SALL1: variants seen among roughly 807,000 people sequenced by gnomAD.
SALL1 encodes the protein sal-like protein 1.
A neutral mutation model predicts 73.1 loss-of-function variants in SALL1; 10 were observed. That is an observed-to-expected ratio of 0.14 (90% confidence interval 0.08 to 0.23). The LOEUF (loss-of-function observed/expected upper bound fraction) is 0.23, where lower values mean the gene tolerates loss of function less well. Among genes scored for constraint, SALL1 ranks in the 10% least tolerant of loss-of-function variants. The pLI, the probability that SALL1 is intolerant of heterozygous loss-of-function variation, is 1.00. For missense variants in SALL1, 1,520 were observed against 1,697.3 expected, an observed-to-expected ratio of 0.90 and a Z score of 1.84; for synonymous variants, 688 against 689.8, an observed-to-expected ratio of 1.00 and a Z score of 0.04.
chr16:51,142,916 A>G (rs1332181416), intron 1 of SALL1, among the ~76,000 whole-genome samples: 1 of 152,226 alleles, frequency 6.6e-6, no homozygotes, highest in Non-Finnish European at 1.5e-5. Context: ...TCCGGCTACC[A>G]TTCCACTAAT....
chr16:51,147,465 G>A (rs1036738918), intron 1 of SALL1, among the ~76,000 whole-genome samples: 11 of 152,000 alleles, frequency 7.2e-5, no homozygotes, highest in African/African-American at 2.2e-4. Context: ...TTTAAAAAAA[G>A]CAATTAATTA....
chr16:51,147,133 A>C (rs1187481799), intron 1 of SALL1, among the ~76,000 whole-genome samples: 1 of 152,214 alleles, frequency 6.6e-6, no homozygotes, highest in African/African-American at 2.4e-5. Flanking sequence ...AGTATAAAGA[A>C]AACAAATAGA....
Position 51,139,855 on chromosome 16 carries a change from C to T in SALL1, c.2367G>A (p.Met789Ile), listed in dbSNP as rs999364545. ...VVLQQHIRMH[M>I]GGQIPNTPVP... ...CTGGGGTGTTGGGGATCTGGCCTCC[C>T]ATATGCATTCGGATGTGCTGCTGCA... Residue 789 changes from methionine (M) to isoleucine (I), a missense_variant, in exon 2 of 3, where the codon ATG (methionine) becomes ATA (isoleucine). This residue lies in a region of SALL1 where 266 missense variants were observed against 275.1 expected (regional missense o/e 0.97). Transcript: ENST00000251020. The T allele has an allele frequency of 2.2e-5, 36 of 1,614,064 alleles. No homozygotes were observed. Among genetic ancestry groups the T allele is most frequent in the Non-Finnish European group, 3.1e-5 (36 of 1,180,040 alleles).
Position 51,140,559 on chromosome 16 carries a change from C to A in SALL1, c.1663G>T (p.Val555Phe). 1 of 1,613,952 alleles carries A rather than the reference C, an allele frequency of 6.2e-7. No individual in the cohort carries two copies. The highest frequency in any genetic ancestry group is 1.7e-4 in the Middle Eastern group (1 of 6,060). Residue 555 changes from valine to phenylalanine, a missense_variant, in exon 2 of 3, where the codon GTC becomes TTC. Physicochemically the swap from Val to Phe is conservative, Grantham distance 50. Around this residue, in one of 7 missense-constraint regions of SALL1, gnomAD observed 276 missense variants for 259.1 expected, o/e 1.07. Transcript: ENST00000251020. This position sits in a 1 kb window ranked among gnomAD's most constrained non-coding sequence, Gnocchi z 5.7. ...AGGGTTGGGGGCAACGGCAGGCCGA[C>A]TGAAGTGGTCAGAGTAGGCAGGACT... is the stretch of plus-strand genomic sequence containing the variant. ...KPVLPTLTTS[V>F]GLPLPPTLPS... is the part of the protein sequence containing the mutation.
At chr16:51,137,578 G>A in intron 2 of SALL1, 26 bp from the exon 3 acceptor site, 2 of 1,557,176 alleles carry the variant, frequency 1.3e-6, no homozygotes, top group South Asian at 1.1e-5. Flanking sequence ...GGCAGGCAGA[G>A]AGACAGAGAG....
upstream of SALL1, among the ~76,000 whole-genome samples, chr16:51,151,875 C>T (rs1361195331): frequency 6.6e-6 from 1 of 151,578 alleles, no homozygotes; most frequent in Admixed American, 6.6e-5. Context: ...CTGCGAACTT[C>T]CCAACTCGGG....
chr16:51,150,369 G>T (rs1410134812), intron 1 of SALL1: 2 of 979,052 alleles, frequency 2.0e-6, no homozygotes, highest in African/African-American at 3.5e-5. Flanking sequence ...TCCGCAGAGG[G>T]CGCATACCGA....
At chr16:51,143,157 G>C (rs1962469067) in intron 1 of SALL1, 1 of 164,156 alleles carries the variant, frequency 6.1e-6, no homozygotes, top group African/African-American at 2.4e-5. Context: ...TTTAAAAACA[G>C]TTTGCTCTTA....
chr16:51,147,780 A>AACACAC (rs145285801), intron 1 of SALL1, among the ~76,000 whole-genome samples: 10,514 of 146,246 alleles, frequency 0.072, 446 homozygotes, highest in East Asian at 0.12. Flanking sequence ...GAAGAACTCC[A>AACACAC]ACACACACAC....
In SALL1 at chr16:51,151,258, G is replaced by C; in HGVS notation, c.-17C>G. Reference sequence around the variant, plus strand: ...CCGCGACATGCTGGCTCAAACATCAGCTGGGGCAGAATAAAAAATTACTAA... The same window carrying C: ...CCGCGACATGCTGGCTCAAACATCACCTGGGGCAGAATAAAAAATTACTAA... On this transcript the variant is annotated 5_prime_UTR_variant, in exon 1 of 3. Transcript: ENST00000251020. The C allele has an allele frequency of 6.4e-7, 1 of 1,561,328 alleles. No individual in the cohort carries two copies. Among genetic ancestry groups the C allele is most frequent in the South Asian group, 1.2e-5 (1 of 83,792 alleles).
Position 51,150,899 on chromosome 16 carries a change from G to A in SALL1, c.76+267C>T, listed in dbSNP as rs1311911326. ...ACGGAGAAGCCAGGCCGGCATGCCC[G>A]CCCTCCTTCCCCCGGGAGGACCCAA... On this transcript the variant is annotated intron_variant, in intron 1 of 2. Transcript: ENST00000251020. 1.1e-5 allele frequency: 4 copies of A among 370,726 alleles called. No homozygotes were observed. The East Asian group carries it at 1.2e-4, about 11-fold the overall frequency. 23.0% of individuals were successfully genotyped at this position (370,726 alleles called of 1,614,324 possible). A position where few individuals can be genotyped will look rare whatever the true frequency, so the allele number is the denominator to read the frequency against.
Position 51,138,729 on chromosome 16 carries a change from T to C in SALL1, c.3493A>G (p.Thr1165Ala), listed in dbSNP as rs1962354636. Residue 1165 changes from threonine to alanine, a missense_variant, in exon 2 of 3, where the codon ACT (threonine) becomes GCT (alanine). Physicochemically the swap from Thr to Ala is moderately conservative, Grantham distance 58. Around this residue, in one of 7 missense-constraint regions of SALL1, gnomAD observed 318 missense variants for 357.1 expected, o/e 0.89. Transcript: ENST00000251020. ...GTCGTGAAAGCTCTTCCACAAATAG[T>C]GCAAGCAAAGGGTTTCTCTCCAGTG... The part of the protein sequence containing the change: ...THTGEKPFAC[T>A]ICGRAFTTKG... The C allele has an allele frequency of 6.2e-7, 1 of 1,614,146 alleles. No homozygotes were observed. The highest frequency in any genetic ancestry group is 8.5e-7 in the Non-Finnish European group (1 of 1,180,014).
At position 51,141,685 on chromosome 16, in the gene SALL1, G is replaced by A. The variant is rs200539812; in HGVS notation, c.537C>T (p.Leu179=). 1,002 of 1,613,580 alleles carry A rather than the reference G, an allele frequency of 6.2e-4. 13 individuals are homozygous for A. The South Asian group carries it at 0.01, about 16-fold the overall frequency. The change falls in exon 2 of 3, where the codon CTC becomes CTT. Residue 179 remains leucine (L), a synonymous_variant. Coordinates refer to ENST00000251020, the MANE Select transcript of SALL1 (RefSeq NM_002968.3). The surrounding 1 kb of genome is among the most constrained non-coding windows in gnomAD (Gnocchi z 5.4). ...TSAITTSLPQ[L]GDLTTLGNFS... is the part of the protein sequence containing the mutation. ...AGTTGCCCAGTGTTGTCAGGTCCCC[G>A]AGTTGAGGTAGAGAGGTTGTGATCG...
intron 1 of SALL1, among the ~76,000 whole-genome samples, chr16:51,148,907 A>T (rs1962555926): frequency 1.3e-5 from 2 of 151,808 alleles, no homozygotes; most frequent in Non-Finnish European, 2.9e-5. Context: ...GGGTGGGGAG[A>T]GGTGAGGAAA....
At chr16:51,145,979 CTTTT>C (rs372735955) in intron 1 of SALL1, among the ~76,000 whole-genome samples, 2 of 128,892 alleles carry the variant, frequency 1.6e-5, no homozygotes. Context: ...ATTGATTGGT[CTTTT>C]TTTTTTTTTT....
Position 51,137,150 on chromosome 16 carries a change from G to A in SALL1, c.3937C>T (p.Arg1313Cys), listed in dbSNP as rs199883962. 39 of 1,614,008 alleles carry A rather than the reference G, an allele frequency of 2.4e-5. No individual in the cohort carries two copies. The highest frequency in any genetic ancestry group is 4.0e-5 in the African/African-American group (3 of 74,912). The part of the protein sequence containing the change: ...SENGTNFRFT[R>C]FVEDSKEIVT... ...ATCTCCTTGCTGTCCTCCACGAAGC[G>A]GGTGAAGCGGAAGTTGGTTCCGTTC... is the stretch of plus-strand genomic sequence containing the variant. Residue 1313 changes from arginine (R) to cysteine (C), a missense_variant, in exon 3 of 3, where the codon CGC becomes TGC. Arg to Cys is a radical substitution (Grantham distance 180). This residue lies in a region of SALL1 where 318 missense variants were observed against 357.1 expected (regional missense o/e 0.89). Coordinates refer to ENST00000251020, the MANE Select transcript of SALL1 (RefSeq NM_002968.3).
rs1962388444 is a variant in SALL1 at position 51,140,017 on chromosome 16, C to T, written c.2205G>A (p.Lys735=). The part of the protein sequence containing the change: ...YRTHTGERPF[K]CKICGRAFTT... ...TGAAAGCCCGGCCACAGATCTTACA[C>T]TTAAAGGGCCTCTCCCCAGTGTGTG... The change falls in exon 2 of 3, where the codon AAG becomes AAA. Residue 735 remains lysine, a synonymous_variant. Transcript: ENST00000251020. This position sits in a 1 kb window ranked among gnomAD's most constrained non-coding sequence, Gnocchi z 5.7. The T allele has an allele frequency of 6.2e-7, 1 of 1,614,222 alleles. No individual in the cohort carries two copies. The highest frequency in any genetic ancestry group is 8.5e-7 in the Non-Finnish European group (1 of 1,180,042).
chr16:51,145,697 T>C (rs890311275), intron 1 of SALL1, among the ~76,000 whole-genome samples: 1 of 152,110 alleles, frequency 6.6e-6, no homozygotes, highest in Admixed American at 6.5e-5. Flanking sequence ...TGTTCTACCA[T>C]ATCTGTCTAC....
At position 51,139,999 on chromosome 16, in the gene SALL1, C is replaced by T. The variant is rs1430868205; in HGVS notation, c.2223G>A (p.Arg741=). ...TAAGATTCCCTTTCGTGGTGAAAGC[C>T]CGGCCACAGATCTTACACTTAAAGG... is the stretch of plus-strand genomic sequence containing the variant. ...ERPFKCKICG[R]AFTTKGNLKT... The change falls in exon 2 of 3, where the codon CGG becomes CGA. Residue 741 remains arginine, a synonymous_variant. Coordinates refer to ENST00000251020, the MANE Select transcript of SALL1 (RefSeq NM_002968.3). 12 of 1,614,078 alleles carry T rather than the reference C, an allele frequency of 7.4e-6. No individual in the cohort carries two copies. Among genetic ancestry groups the T allele is most frequent in the African/African-American group, 2.7e-5 (2 of 74,922 alleles).
Sources: allele counts gnomAD v4.1 joint callset (sites outside exome capture counted in the v4.1 genomes callset), GRCh38; gene constraint gnomAD v4.1.1; regional missense constraint gnomAD v4.1.1; non-coding constraint Gnocchi (gnomAD v3.1); transcripts MANE v1.5; gene names NCBI Gene and HGNC (gene_info 2026-07-23, HGNC 2026-07-21).